Variants in NFAM1 observed in about 807,000 individuals in gnomAD.
The protein encoded by NFAM1 is NFAT activation molecule 1.
In NFAM1, 17 loss-of-function variants were observed where a neutral mutation model predicts 29.0. The ratio of observed to expected loss-of-function variants is 0.59; its 90% CI spans 0.40 to 0.88. NFAM1 has a LOEUF of 0.88. Among genes scored for constraint, NFAM1 ranks in the 40% least tolerant of loss-of-function variants. The pLI is 0.00. For synonymous variants in NFAM1, 175 were observed against 147.2 expected, an observed-to-expected ratio of 1.19 and a Z score of -1.36; for missense variants, 324 against 344.6, an observed-to-expected ratio of 0.94 and a Z score of 0.47.
intron 1 of NFAM1, among the ~76,000 whole-genome samples, chr22:42,418,152 G>A (rs1930323039): frequency 6.6e-6 from 1 of 152,356 alleles, no homozygotes. Context: ...GAAAAGCCCA[G>A]GTTCTGGAGG....
At chr22:42,411,297 G>T (rs1252860552) in intron 2 of NFAM1, 110 bp downstream of exon 2, 8 of 820,404 alleles carry the variant, frequency 9.8e-6, no homozygotes, top group African/African-American at 1.7e-5. Context: ...GTGCTGGGAT[G>T]TGTGAGCCAC....
chr22:42,422,492 G>A (rs113931299), intron 1 of NFAM1, among the ~76,000 whole-genome samples: 8,303 of 152,138 alleles, frequency 0.055, 394 homozygotes, highest in African/African-American at 0.12. Context: ...TGTAGCCCCA[G>A]CTACTCAGGA....
At chr22:42,390,682 T>A (rs796703050) in intron 4 of NFAM1, among the ~76,000 whole-genome samples, 3 of 151,980 alleles carry the variant, frequency 2.0e-5, no homozygotes, top group African/African-American at 7.3e-5. Context: ...CCGGGCGTGG[T>A]GACGGGTGCC....
chr22:42,397,443 G>A (rs376668717), intron 4 of NFAM1, among the ~76,000 whole-genome samples: 11 of 152,142 alleles, frequency 7.2e-5, no homozygotes, highest in East Asian at 3.8e-4. Flanking sequence ...TGTTAAGGGC[G>A]TGGGATGGCG....
intron 4 of NFAM1, among the ~76,000 whole-genome samples, chr22:42,392,009 A>G (rs928336266): frequency 6.6e-6 from 1 of 151,766 alleles, no homozygotes; most frequent in African/African-American, 2.4e-5. Context: ...TAGACATTCA[A>G]GTGGGGTTGA....
chr22:42,385,743 C>T (rs1395272355), intron 5 of NFAM1, among the ~76,000 whole-genome samples: 1 of 152,200 alleles, frequency 6.6e-6, no homozygotes, highest in Admixed American at 6.5e-5. Flanking sequence ...GTCCAGCACC[C>T]CAGGGCCTGG....
chr22:42,395,227 A>C (rs1929479927), intron 4 of NFAM1, among the ~76,000 whole-genome samples: 2 of 151,932 alleles, frequency 1.3e-5, no homozygotes, highest in South Asian at 4.2e-4. Context: ...TAATCCCAGC[A>C]CTTTAGGAGG....
At chr22:42,390,602 A>C (rs762544168) in intron 4 of NFAM1, among the ~76,000 whole-genome samples, 3 of 152,138 alleles carry the variant, frequency 2.0e-5, no homozygotes, top group Non-Finnish European at 4.4e-5. Context: ...AGGTCACCTG[A>C]GGTCAGGAGT....
chr22:42,391,011 G>C (rs1929321602), intron 4 of NFAM1, among the ~76,000 whole-genome samples: 1 of 152,108 alleles, frequency 6.6e-6, no homozygotes, highest in Non-Finnish European at 1.5e-5. Flanking sequence ...AACTGACCAA[G>C]GGCTCAAAAC....
At chr22:42,402,051 C>T (rs1407926450) in intron 3 of NFAM1, among the ~76,000 whole-genome samples, 1 of 152,244 alleles carries the variant, frequency 6.6e-6, no homozygotes, top group African/African-American at 2.4e-5. Flanking sequence ...GCAGGACAGA[C>T]AGCATAAAGA....
chr22:42,412,250 A>G (rs1211544728), intron 1 of NFAM1, among the ~76,000 whole-genome samples: 1 of 151,982 alleles, frequency 6.6e-6, no homozygotes, highest in African/African-American at 2.4e-5. Context: ...AAAAAAAGAA[A>G]GACAAGTCTC....
intron 1 of NFAM1, among the ~76,000 whole-genome samples, chr22:42,415,907 G>A (rs759639616): frequency 1.1e-4 from 17 of 152,182 alleles, no homozygotes; most frequent in Non-Finnish European, 1.8e-4. Flanking sequence ...GCTCCCTGCC[G>A]TGGCAACATC....
At chr22:42,414,646 G>A (rs1328777341) in intron 1 of NFAM1, among the ~76,000 whole-genome samples, 2 of 151,368 alleles carry the variant, frequency 1.3e-5, no homozygotes, top group Non-Finnish European at 2.9e-5. Flanking sequence ...ACCCTGCCCA[G>A]CAGCCCTGCA....
At chr22:42,391,467 G>A (rs1929340031) in intron 4 of NFAM1, among the ~76,000 whole-genome samples, 1 of 152,170 alleles carries the variant, frequency 6.6e-6, no homozygotes, top group Non-Finnish European at 1.5e-5. Context: ...CAGTGTTAGC[G>A]CTGGGGCAGT....
At chr22:42,407,834 C>T (rs767206509) in intron 3 of NFAM1, among the ~76,000 whole-genome samples, 6 of 151,960 alleles carry the variant, frequency 3.9e-5, no homozygotes, top group Non-Finnish European at 8.8e-5. Flanking sequence ...TCAGGAAATC[C>T]TCCTGCCTCA....
At position 42,424,393 on chromosome 22, in the gene NFAM1, G is replaced by T. The variant is rs1245259399; in HGVS notation, c.121+7844C>A. Among the ~76,000 whole-genome samples the T allele has an allele frequency of 5.3e-5, 8 of 151,740 alleles. No homozygotes were observed. The East Asian group carries it at 1.6e-3, about 29-fold the overall frequency. On this transcript the variant is annotated intron_variant, in intron 1 of 5. Transcript: ENST00000329021. ...TTGTGCCACTGCACTCCAGCCTAGG[G>T]GATAGAGCGAGACTCCGTCTCAAAA... is the stretch of plus-strand genomic sequence containing the variant.
intron 1 of NFAM1, among the ~76,000 whole-genome samples, chr22:42,413,938 C>T (rs1930175856): frequency 6.6e-6 from 1 of 152,162 alleles, no homozygotes; most frequent in Non-Finnish European, 1.5e-5. Flanking sequence ...CCTGTAATCC[C>T]AGCTACTCAG....
chr22:42,412,125 G>A (rs1324193342), intron 1 of NFAM1, among the ~76,000 whole-genome samples: 1 of 151,994 alleles, frequency 6.6e-6, no homozygotes, highest in African/African-American at 2.4e-5. Flanking sequence ...CCAGCTACTC[G>A]GGAGACTGAC....
chr22:42,411,308 T>C (rs2247576), intron 2 of NFAM1, 99 bp downstream of exon 2: 275,810 of 944,144 alleles, frequency 0.29, 44,445 homozygotes, highest in African/African-American at 0.55. Context: ...TGTGAGCCAC[T>C]GCGCCTGGCC....
Sources: allele counts gnomAD v4.1 joint callset (sites outside exome capture counted in the v4.1 genomes callset), GRCh38; gene constraint gnomAD v4.1.1; transcripts MANE v1.5; gene names NCBI Gene and HGNC (gene_info 2026-07-23, HGNC 2026-07-21).